Variants in SYNE2 observed in about 807,000 individuals in gnomAD.
The protein encoded by SYNE2 is spectrin repeat containing nuclear envelope protein 2.
SYNE2 carries 431 observed loss-of-function variants against 856.3 expected under a neutral mutation model. That is an observed-to-expected ratio of 0.50 (90% CI 0.47 to 0.55). The LOEUF is 0.55. SYNE2 is among the 20% of genes least tolerant of loss of function. The pLI, the probability that SYNE2 is intolerant of heterozygous loss-of-function variation, is 0.00. For missense variants in SYNE2, 8,129 were observed against 8,023.2 expected (o/e 1.01, Z -0.50); for synonymous variants, 2,923 against 2,872.3 (o/e 1.02, Z -0.56).
intron 1 of SYNE2, among the ~76,000 whole-genome samples, chr14:63,829,798 G>T (rs1595153066): frequency 6.6e-6 from 1 of 151,570 alleles, no homozygotes; most frequent in East Asian, 1.9e-4. Flanking sequence ...TTTTATTTTT[G>T]GGGTAGACGG....
chr14:64,037,173 T>C (rs998994583), intron 45 of SYNE2, among the ~76,000 whole-genome samples: 3 of 151,566 alleles, frequency 2.0e-5, no homozygotes, highest in African/African-American at 7.3e-5. Flanking sequence ...TGGGTGTTTC[T>C]CGCAGAGGGG....
intron 1 of SYNE2, among the ~76,000 whole-genome samples, chr14:63,798,061 C>T (rs1179883765): frequency 6.6e-6 from 1 of 152,132 alleles, no homozygotes; most frequent in Non-Finnish European, 1.5e-5. Flanking sequence ...TTTCTTGCAT[C>T]TATATTTTTT....
At chr14:64,008,271 AAG>A (rs2096815405) in intron 31 of SYNE2, among the ~76,000 whole-genome samples, 3 of 152,210 alleles carry the variant, frequency 2.0e-5, no homozygotes, top group Admixed American at 1.3e-4. Flanking sequence ...TCTGTAGTTT[AAG>A]ATCCTTAGCT....
intron 18 of SYNE2, 61 bp downstream of exon 18, chr14:63,983,947 A>G: frequency 4.0e-6 from 5 of 1,252,830 alleles, no homozygotes; most frequent in Non-Finnish European, 5.6e-6. Flanking sequence ...CTTTGCTATT[A>G]AAAAAAAGAT....
intron 100 of SYNE2, chr14:64,208,180 T>A (rs774844416): frequency 2.2e-6 from 1 of 455,966 alleles, no homozygotes; most frequent in Admixed American, 2.4e-5. Context: ...ACTTTATCAG[T>A]TGGGGAGGCA....
At chr14:63,989,617 C>G (rs1443246453) in intron 19 of SYNE2, among the ~76,000 whole-genome samples, 1 of 151,916 alleles carries the variant, frequency 6.6e-6, no homozygotes. Context: ...GTATTACAGG[C>G]ATGAGCCACC....
In SYNE2 at chr14:64,170,513, C is replaced by G. The variant is rs375091540; in HGVS notation, c.17235+51C>G. On this transcript the variant is annotated intron_variant, in intron 94 of 115. Transcript: ENST00000555002. ...AGAACCACAGGGTGGTCATTGTTTG[C>G]AAGATGTTCATTCACCTTTGGTTTA... 2.4e-4 allele frequency: 369 copies of G among 1,509,080 alleles called. 7 individuals carry two copies. The South Asian group carries it at 3.2e-3, about 13-fold the overall frequency. The allele number at this position is 1,509,080 out of a possible 1,614,324, so 93.5% of individuals were successfully genotyped here. A position where few individuals can be genotyped will look rare whatever the true frequency, so the allele number is the denominator to read the frequency against.
chr14:63,834,444 T>C (rs1889777971), intron 1 of SYNE2, among the ~76,000 whole-genome samples: 1 of 152,140 alleles, frequency 6.6e-6, no homozygotes, highest in African/African-American at 2.4e-5. Flanking sequence ...ACTGATTTAG[T>C]AATGAATGAA....
At chr14:63,970,778 G>A (rs1187241867) in intron 11 of SYNE2, among the ~76,000 whole-genome samples, 1 of 148,388 alleles carries the variant, frequency 6.7e-6, no homozygotes, top group African/African-American at 2.5e-5. Flanking sequence ...TCAGCCTACC[G>A]AGTAGCTGGG....
At chr14:63,766,661 GAAGGAAATTCTGGGA>G (rs1886697350) in intron 1 of SYNE2, among the ~76,000 whole-genome samples, 1 of 152,176 alleles carries the variant, frequency 6.6e-6, no homozygotes, top group Non-Finnish European at 1.5e-5. Context: ...CTCCAGACAG[GAAGGAAATTCTGGGA>G]CAACGTTGTT....
chr14:64,110,260 C>T (rs1044761716), intron 65 of SYNE2, among the ~76,000 whole-genome samples: 2 of 152,058 alleles, frequency 1.3e-5, no homozygotes, highest in African/African-American at 4.8e-5. Context: ...TGCATTTTAA[C>T]TGCAGTTTTT....
At chr14:63,812,192 C>T (rs1455794459) in intron 1 of SYNE2, among the ~76,000 whole-genome samples, 1 of 152,068 alleles carries the variant, frequency 6.6e-6, no homozygotes, top group African/African-American at 2.4e-5. Context: ...TTATAGACCT[C>T]CCCCCAGGAA....
intron 108 of SYNE2, among the ~76,000 whole-genome samples, chr14:64,217,380 TCTGGCTAGGCAGCTC>T (rs1298887164): frequency 8.5e-5 from 13 of 152,374 alleles, no homozygotes; most frequent in African/African-American, 2.9e-4. Context: ...CTTGGCATGC[TCTGGCTAGGCAGCTC>T]CTGGGAGGGC....
In SYNE2 at chr14:64,075,980, T is replaced by G; in HGVS notation, c.10902T>G (p.Thr3634=). ...GCATCCTTAAGAAAGGGAAACTAAC[T>G]TTTGAGAATATTATGGAAAAACTGC... ...LQSILKKGKL[T]FENIMEKLRI... The change falls in exon 54 of 116, where the codon ACT becomes ACG. Residue 3634 remains threonine, a synonymous_variant. Coordinates refer to ENST00000555002, the MANE Select transcript of SYNE2 (RefSeq NM_182914.3). The G allele has an allele frequency of 6.2e-7, 1 of 1,613,922 alleles. No individual in the cohort carries two copies. Among genetic ancestry groups the G allele is most frequent in the African/African-American group, 1.3e-5 (1 of 75,054 alleles).
intron 10 of SYNE2, among the ~76,000 whole-genome samples, chr14:63,965,070 C>G (rs1442892119): frequency 6.7e-6 from 1 of 149,824 alleles, no homozygotes; most frequent in East Asian, 2.0e-4. Context: ...TCAAGCAATT[C>G]TCATGCCTCA....
rs1241967800 is a variant in SYNE2 at position 64,225,919 on chromosome 14, C to T, written c.*393C>T. The T allele has an allele frequency of 4.9e-6, 2 of 410,366 alleles. No individual in the cohort carries two copies. The highest frequency in any genetic ancestry group is 4.3e-5 in the East Asian group (1 of 23,342). The allele number at this position is 410,366 out of a possible 1,614,324, so 25.4% of individuals were successfully genotyped here. ...ATTATAGAAGCAAGCGAGGACATTC[C>T]ACCCTAGAAATGGTTCAGAAACTCA... On this transcript the variant is annotated 3_prime_UTR_variant, in exon 116 of 116. Transcript: ENST00000555002.
intron 1 of SYNE2, among the ~76,000 whole-genome samples, chr14:63,842,158 TTTTG>T (rs1417406242): frequency 2.0e-5 from 3 of 150,720 alleles, no homozygotes; most frequent in African/African-American, 4.9e-5. Flanking sequence ...TTCTTCTTCT[TTTTG>T]TTTGTTTGTT....
intron 35 of SYNE2, among the ~76,000 whole-genome samples, chr14:64,020,418 A>G (rs1567071349): frequency 1.3e-5 from 2 of 152,248 alleles, no homozygotes; most frequent in Non-Finnish European, 2.9e-5. Flanking sequence ...CTTAAAAATC[A>G]TGCATTCTAA....
chr14:64,081,287 G>T (rs1019633734), intron 56 of SYNE2, among the ~76,000 whole-genome samples, 156 bp from the exon 57 acceptor site: 1 of 152,078 alleles, frequency 6.6e-6, no homozygotes, highest in East Asian at 1.9e-4. Flanking sequence ...AAGTGTCATA[G>T]CCTAGAGCAG....
Sources: allele counts gnomAD v4.1 joint callset (sites outside exome capture counted in the v4.1 genomes callset), GRCh38; gene constraint gnomAD v4.1.1; transcripts MANE v1.5; gene names NCBI Gene and HGNC (gene_info 2026-07-23, HGNC 2026-07-21).